BUB1B: variants seen among roughly 807,000 people sequenced by gnomAD.
The protein encoded by BUB1B is mitotic checkpoint serine/threonine-protein kinase BUB1 beta.
A neutral mutation model predicts 137.7 loss-of-function variants in BUB1B; 86 were observed. The observed-to-expected ratio is 0.62, with a 90% CI of 0.52 to 0.75. The LOEUF is 0.75. Among genes scored for constraint, BUB1B ranks in the 30% least tolerant of loss-of-function variants. The pLI is 0.00. For synonymous variants in BUB1B, 420 were observed against 417.9 expected (o/e 1.00, Z -0.06); for missense variants, 1,130 against 1,236.9 (o/e 0.91, Z 1.30).
chr15:40,210,170 G>C lies in BUB1B; in HGVS notation c.2345G>C (p.Trp782Ser). Residue 782 changes from tryptophan to serine, a missense_variant, in exon 18 of 23, where the codon TGG (tryptophan) becomes TCG (serine). Physicochemically the swap from Trp to Ser is radical, Grantham distance 177. Transcript: ENST00000287598. Reference sequence around the variant, plus strand: ...ATATGTGAAGATTACAAGTTATTCTGGGTGGCGCCAAGAAACTCTGCAGAA... The same window carrying C: ...ATATGTGAAGATTACAAGTTATTCTCGGTGGCGCCAAGAAACTCTGCAGAA... ...YLICEDYKLF[W>S]VAPRNSAELT... 1 of 1,612,244 alleles carries C rather than the reference G, an allele frequency of 6.2e-7. No individual in the cohort carries two copies. Among genetic ancestry groups the C allele is most frequent in the South Asian group, 1.1e-5 (1 of 91,026 alleles).
chr15:40,208,524 G>T, intron 15 of BUB1B, 113 bp from the exon 16 acceptor site: 1 of 1,103,652 alleles, frequency 9.1e-7, no homozygotes, highest in South Asian at 1.4e-5. Context: ...GGTGACAAGA[G>T]CAAAACTCCA....
chr15:40,183,837 A>G lies in BUB1B; in HGVS notation c.705A>G (p.Lys235=), dbSNP rs1452129760. The G allele has an allele frequency of 1.2e-6, 2 of 1,614,014 alleles. No individual in the cohort carries two copies. Among genetic ancestry groups the G allele is most frequent in the Non-Finnish European group, 8.5e-7 (1 of 1,179,982 alleles). ...STLAELKSKG[K]KTARAPIIRV... ...TAGCTGAACTAAAGAGCAAAGGGAAAAAGACAGCAAGAGCTCCAATCATCC... is the reference window on the plus strand; with the variant it reads ...TAGCTGAACTAAAGAGCAAAGGGAAGAAGACAGCAAGAGCTCCAATCATCC... Residue 235 remains lysine, a synonymous_variant, in exon 6 of 23, where the codon AAA becomes AAG. Transcript: ENST00000287598.
chr15:40,201,428 CTG>C (rs2037567545), intron 12 of BUB1B, among the ~76,000 whole-genome samples: 1 of 152,146 alleles, frequency 6.6e-6, no homozygotes, highest in Admixed American at 6.5e-5. Flanking sequence ...AATTAAACCT[CTG>C]TTTCTAACCG....
At chr15:40,204,041 A>C (rs572911689) in intron 14 of BUB1B, among the ~76,000 whole-genome samples, 1 of 152,222 alleles carries the variant, frequency 6.6e-6, no homozygotes, top group Non-Finnish European at 1.5e-5. Context: ...TTTTATATCC[A>C]GTAAACTGCA....
chr15:40,166,309 C>A (rs751847181), intron 2 of BUB1B: 2 of 422,238 alleles, frequency 4.7e-6, no homozygotes, highest in South Asian at 3.4e-5. Context: ...TTGAACAAGG[C>A]TTTTTGTAGA....
At chr15:40,216,104 T>C (rs1429799551) in intron 20 of BUB1B, among the ~76,000 whole-genome samples, 1 of 152,010 alleles carries the variant, frequency 6.6e-6, no homozygotes, top group African/African-American at 2.4e-5. Context: ...TTTATTAATC[T>C]ATGAGACATT....
intron 4 of BUB1B, among the ~76,000 whole-genome samples, chr15:40,175,695 G>A (rs866147333): frequency 6.6e-6 from 1 of 151,902 alleles, no homozygotes; most frequent in Non-Finnish European, 1.5e-5. Flanking sequence ...TTTGCTTATC[G>A]CTCACCCACC....
chr15:40,208,603 C>G, intron 15 of BUB1B, 34 bp from the exon 16 acceptor site: 1 of 1,564,472 alleles, frequency 6.4e-7, no homozygotes, highest in South Asian at 1.1e-5. Context: ...ATATATTATT[C>G]CTATAAGAAT....
At position 40,176,568 on chromosome 15, in the gene BUB1B, C is replaced by G; in HGVS notation, c.476C>G (p.Ala159Gly). The stretch of plus-strand genomic sequence containing the variant: ...CTTGCTCAGTTCTATATCTCATGGG[C>G]AGAAGAATATGAAGCTAGAGAAAAC... ...VSLAQFYISW[A>G]EEYEARENFR... Residue 159 changes from alanine (A) to glycine (G), a missense_variant, in exon 5 of 23, where the codon GCA (alanine) becomes GGA (glycine). Transcript: ENST00000287598. 6.2e-7 allele frequency: 1 copy of G among 1,613,988 alleles called. No homozygotes were observed.
At chr15:40,201,063 A>C in intron 12 of BUB1B, 83 bp downstream of exon 12, 1 of 1,338,210 alleles carries the variant, frequency 7.5e-7, no homozygotes, top group Non-Finnish European at 1.1e-6. Flanking sequence ...TTTAATTATG[A>C]TAAAGGGATT....
rs201223946 is a variant in BUB1B at position 40,209,748 on chromosome 15, T to C, written c.2257T>C (p.Leu753=). The C allele has an allele frequency of 6.2e-7, 1 of 1,614,116 alleles. No homozygotes were observed. The highest frequency in any genetic ancestry group is 1.7e-5 in the Admixed American group (1 of 60,020). The change falls in exon 17 of 23, where the codon TTG becomes CTG. Residue 753 remains leucine, a synonymous_variant. Transcript: ENST00000287598. ...TATAGAAGACAGACCAATGCCTAAGTTGGAAATTGAGAAGGAAATTGAATT... is the reference window on the plus strand; with the variant it reads ...TATAGAAGACAGACCAATGCCTAAGCTGGAAATTGAGAAGGAAATTGAATT... ...LCIEDRPMPK[L]EIEKEIELGN... is the part of the protein sequence containing the mutation.
intron 8 of BUB1B, chr15:40,187,169 A>G (rs187668336): frequency 0.06 from 9,103 of 150,906 alleles, 905 homozygotes; most frequent in African/African-American, 0.21. Context: ...TCTGTTGCCC[A>G]GGCTGGAGTG....
At position 40,200,995 on chromosome 15, in the gene BUB1B, A is replaced by G; in HGVS notation, c.1567+15A>G. Reference sequence around the variant, plus strand: ...TCATTCTAAAGGTGAGTTGTATTTGACAGCCTTGAGAAGAACTTGCTGATA... The same window carrying G: ...TCATTCTAAAGGTGAGTTGTATTTGGCAGCCTTGAGAAGAACTTGCTGATA... On this transcript the variant is annotated intron_variant, in intron 12 of 22. Transcript: ENST00000287598. The G allele has an allele frequency of 6.2e-7, 1 of 1,611,530 alleles. No individual in the cohort carries two copies. Among genetic ancestry groups the G allele is most frequent in the Non-Finnish European group, 8.5e-7 (1 of 1,177,982 alleles).
intron 16 of BUB1B, 113 bp downstream of exon 16, chr15:40,208,883 G>A: frequency 9.3e-7 from 1 of 1,077,670 alleles, no homozygotes; most frequent in Non-Finnish European, 1.4e-6. Context: ...CACCCAGGAT[G>A]GAGTGCAGTG....
chr15:40,202,725 A>G, intron 14 of BUB1B, 31 bp downstream of exon 14: 1 of 1,549,930 alleles, frequency 6.5e-7, no homozygotes, highest in Non-Finnish European at 8.9e-7. Flanking sequence ...GTTAATGTAA[A>G]TGGGCTAGTG....
intron 9 of BUB1B, among the ~76,000 whole-genome samples, chr15:40,197,382 G>A (rs528216337): frequency 2.9e-4 from 44 of 152,164 alleles, no homozygotes; most frequent in Non-Finnish European, 6.0e-4. Flanking sequence ...GGAGCCTGGA[G>A]TACTTGAAGG....
At chr15:40,209,346 G>A (rs2037680028) in intron 16 of BUB1B, among the ~76,000 whole-genome samples, 1 of 152,194 alleles carries the variant, frequency 6.6e-6, no homozygotes, top group Non-Finnish European at 1.5e-5. Flanking sequence ...GCGTGAACCC[G>A]GGAGGCGGAG....
intron 8 of BUB1B, among the ~76,000 whole-genome samples, chr15:40,193,630 C>T (rs138645972): frequency 3.3e-5 from 5 of 151,638 alleles, no homozygotes; most frequent in Non-Finnish European, 5.9e-5. Context: ...GGGTCTCAGC[C>T]GGGCGTGGTG....
intron 6 of BUB1B, 120 bp from the exon 7 acceptor site, chr15:40,185,041 CTTTT>C (rs1007028258): frequency 3.3e-6 from 2 of 599,126 alleles, no homozygotes; most frequent in South Asian, 4.5e-5. Context: ...TTTAAAATTT[CTTTT>C]TTTTTTTCTG....
Sources: allele counts gnomAD v4.1 joint callset (sites outside exome capture counted in the v4.1 genomes callset), GRCh38; gene constraint gnomAD v4.1.1; transcripts MANE v1.5; gene names NCBI Gene and HGNC (gene_info 2026-07-23, HGNC 2026-07-21).